The following METTL4 variants were observed in gnomAD, a reference collection of about 807,000 sequenced individuals.
METTL4 encodes the protein methyltransferase 4, N6-adenosine, also known as N(6)-adenine-specific methyltransferase METTL4.
A neutral mutation model predicts 54.0 loss-of-function variants in METTL4; 40 were observed. The ratio of observed to expected loss-of-function variants is 0.74; its 90% CI spans 0.58 to 0.96. The LOEUF is 0.96. METTL4 is among the 50% of genes least tolerant of loss of function. METTL4 has a pLI of 0.00. For missense variants in METTL4, 525 were observed against 549.0 expected, an observed-to-expected ratio of 0.96 and a Z score of 0.44; for synonymous variants, 169 against 183.8, an observed-to-expected ratio of 0.92 and a Z score of 0.65.
intron 5 of METTL4, among the ~76,000 whole-genome samples, chr18:2,549,410 G>C (rs2072118758): frequency 6.6e-6 from 1 of 152,142 alleles, no homozygotes; most frequent in Non-Finnish European, 1.5e-5. Flanking sequence ...GAGAGGAAAA[G>C]GTGTGGAGGG....
At chr18:2,556,376 G>C (rs1470932878) in intron 3 of METTL4, among the ~76,000 whole-genome samples, 2 of 151,540 alleles carry the variant, frequency 1.3e-5, no homozygotes, top group African/African-American at 4.8e-5. Flanking sequence ...GTCTCAGAAA[G>C]ATCAACCAGT....
At chr18:2,540,391 T>C in intron 8 of METTL4, 1 of 980,234 alleles carries the variant, frequency 1.0e-6, no homozygotes, top group Non-Finnish European at 1.2e-6. Context: ...TTAGGAATGA[T>C]AAGGGTTCTT....
chr18:2,539,486 T>TAA (rs1428894375), intron 8 of METTL4, among the ~76,000 whole-genome samples: 3 of 126,346 alleles, frequency 2.4e-5, no homozygotes, highest in African/African-American at 8.6e-5. Flanking sequence ...TATTTAATTT[T>TAA]TTTTTTTTTT....
At chr18:2,550,353 A>G (rs934665090) in intron 5 of METTL4, among the ~76,000 whole-genome samples, 2 of 152,212 alleles carry the variant, frequency 1.3e-5, no homozygotes, top group Non-Finnish European at 2.9e-5. Flanking sequence ...GCAAAAAAAC[A>G]GAAAGAAAAT....
At position 2,567,234 on chromosome 18, in the gene METTL4, G is replaced by C. The variant is rs1470272947; in HGVS notation, c.-18C>G. 4 of 1,541,944 alleles carry C rather than the reference G, an allele frequency of 2.6e-6. No homozygotes were observed. Among genetic ancestry groups the C allele is most frequent in the Non-Finnish European group, 3.5e-6 (4 of 1,147,832 alleles). On this transcript the variant is annotated 5_prime_UTR_variant, in exon 2 of 9. Coordinates refer to ENST00000574538, the MANE Select transcript of METTL4 (RefSeq NM_022840.5). ...ACAGACATTCCCTTCCTTTAAAAAA[G>C]CCTCTGGGAATTAGGAACTAGAATG...
chr18:2,555,096 T>C (rs2072220526), intron 3 of METTL4, 58 bp from the exon 4 acceptor site: 2 of 1,518,268 alleles, frequency 1.3e-6, no homozygotes, highest in Non-Finnish European at 1.8e-6. Flanking sequence ...GAACATTGAC[T>C]GTGCTTTGAA....
At chr18:2,543,524 A>T (rs575744470) in intron 8 of METTL4, among the ~76,000 whole-genome samples, 6 of 152,304 alleles carry the variant, frequency 3.9e-5, no homozygotes, top group African/African-American at 1.4e-4. Flanking sequence ...AGGACTAAAT[A>T]TCATTATTCC....
intron 3 of METTL4, chr18:2,562,070 T>C (rs983216691): frequency 1.3e-5 from 2 of 152,084 alleles, no homozygotes; most frequent in Non-Finnish European, 2.9e-5. Context: ...ATGGCTATGA[T>C]TAAAAAAAAG....
intron 3 of METTL4, among the ~76,000 whole-genome samples, chr18:2,559,350 G>A (rs1021533736): frequency 1.3e-5 from 2 of 152,070 alleles, no homozygotes; most frequent in African/African-American, 4.8e-5. Context: ...TAAGCCAGAT[G>A]CAAAAGGGCA....
intron 1 of METTL4, among the ~76,000 whole-genome samples, chr18:2,569,707 AT>A (rs2072473747): frequency 6.6e-6 from 1 of 152,122 alleles, no homozygotes; most frequent in Non-Finnish European, 1.5e-5. Flanking sequence ...CCCCTCTGAG[AT>A]TCGCCTTCCA....
At chr18:2,565,963 C>A (rs564443302) in intron 2 of METTL4, among the ~76,000 whole-genome samples, 1 of 151,392 alleles carries the variant, frequency 6.6e-6, no homozygotes. Flanking sequence ...AGGAGAATGG[C>A]GTGAACCCGG....
chr18:2,550,283 C>T (rs933219575), intron 5 of METTL4, among the ~76,000 whole-genome samples: 27 of 152,068 alleles, frequency 1.8e-4, no homozygotes, highest in African/African-American at 5.1e-4. Context: ...GCTCTAATTT[C>T]ATGGAAATCA....
intron 5 of METTL4, among the ~76,000 whole-genome samples, chr18:2,549,666 G>A (rs1006675638): frequency 2.6e-5 from 4 of 151,958 alleles, no homozygotes. Context: ...CTGTATGTCA[G>A]GGACAATCAA....
chr18:2,560,520 C>A (rs2138848), intron 3 of METTL4, among the ~76,000 whole-genome samples: 52,206 of 151,938 alleles, frequency 0.34, 10,462 homozygotes, highest in East Asian at 0.68. Flanking sequence ...TATATAAGGC[C>A]GAAGAAGTAA....
In METTL4 at chr18:2,567,311, A is replaced by G; in HGVS notation, c.-95T>C. The G allele has an allele frequency of 9.5e-7, 1 of 1,056,848 alleles. No individual in the cohort carries two copies. Among genetic ancestry groups the G allele is most frequent in the Non-Finnish European group, 1.4e-6 (1 of 731,194 alleles). 65.5% of individuals were successfully genotyped at this position (1,056,848 alleles called of 1,614,324 possible). On this transcript the variant is annotated 5_prime_UTR_variant, in exon 2 of 9. The change abolishes an upstream ATG in the 5' untranslated region. Transcript: ENST00000574538. ...TTAAATATCTTGTATTTCAATAAAC[A>G]TACACTTCATACACACAGATAGATT...
intron 6 of METTL4, 110 bp from the exon 7 acceptor site, chr18:2,544,869 A>T: frequency 1.6e-6 from 1 of 616,810 alleles, no homozygotes; most frequent in Admixed American, 3.4e-5. Flanking sequence ...CAGTAAAAAT[A>T]CTATGTGAGC....
Position 2,538,973 on chromosome 18 carries a change from A to ATT in METTL4, c.*26_*27insAA, listed in dbSNP as rs1295230601. ...GAAAAGTGGTGAGGAAACAATGAAG[A>ATT]AACCACTACTTTAATCAAGATCATA... On this transcript the variant is annotated 3_prime_UTR_variant, in exon 9 of 9. Coordinates refer to ENST00000574538, the MANE Select transcript of METTL4 (RefSeq NM_022840.5). 2 of 1,599,998 alleles carry ATT rather than the reference A, an allele frequency of 1.3e-6. No homozygotes were observed. The highest frequency in any genetic ancestry group is 2.7e-5 in the African/African-American group (2 of 74,462).
At chr18:2,548,916 G>A (rs1042361305) in intron 5 of METTL4, among the ~76,000 whole-genome samples, 1 of 152,146 alleles carries the variant, frequency 6.6e-6, no homozygotes, top group African/African-American at 2.4e-5. Flanking sequence ...GGGAAAATCA[G>A]ATGAAGAAAA....
At chr18:2,543,863 G>A (rs928306362) in intron 8 of METTL4, among the ~76,000 whole-genome samples, 1 of 152,156 alleles carries the variant, frequency 6.6e-6, no homozygotes, top group African/African-American at 2.4e-5. Flanking sequence ...AAGGGATACA[G>A]CCCCGGTAGT....
Sources: allele counts gnomAD v4.1 joint callset (sites outside exome capture counted in the v4.1 genomes callset), GRCh38; gene constraint gnomAD v4.1.1; transcripts MANE v1.5; gene names NCBI Gene and HGNC (gene_info 2026-07-23, HGNC 2026-07-21).